The following RSRC1 variants were observed in gnomAD, a reference collection of about 807,000 sequenced individuals.
The protein encoded by RSRC1 is arginine and serine rich coiled-coil 1.
RSRC1 carries 39 observed loss-of-function variants against 49.1 expected under a neutral mutation model. The ratio of observed to expected loss-of-function variants is 0.79; its 90% CI spans 0.61 to 1.04. RSRC1 has a LOEUF of 1.04. Among genes scored for constraint, RSRC1 ranks in the 50% least tolerant of loss-of-function variants. The pLI, the probability that RSRC1 is intolerant of heterozygous loss-of-function variation, is 0.00. For missense variants in RSRC1, 388 were observed against 402.4 expected (o/e 0.96, Z 0.31); for synonymous variants, 143 against 130.8 (o/e 1.09, Z -0.63).
chr3:158,150,432 A>G (rs1253825824), intron 3 of RSRC1, among the ~76,000 whole-genome samples: 3 of 152,242 alleles, frequency 2.0e-5, no homozygotes, highest in Non-Finnish European at 4.4e-5. Context: ...GGTGAACATT[A>G]TTTGGAACAG....
intron 6 of RSRC1, among the ~76,000 whole-genome samples, chr3:158,442,446 A>AT (rs898772479): frequency 2.0e-5 from 3 of 151,842 alleles, no homozygotes; most frequent in Non-Finnish European, 4.4e-5. Flanking sequence ...CTAAGGAACA[A>AT]TTTTTTTTGT....
intron 3 of RSRC1, among the ~76,000 whole-genome samples, chr3:158,177,699 G>A (rs543313399): frequency 8.5e-5 from 13 of 152,218 alleles, no homozygotes; most frequent in South Asian, 8.3e-4. Flanking sequence ...TGTAAATGAC[G>A]AGTTGATGGG....
At chr3:158,502,578 G>T (rs543982489) in intron 7 of RSRC1, among the ~76,000 whole-genome samples, 2 of 151,894 alleles carry the variant, frequency 1.3e-5, no homozygotes, top group African/African-American at 4.8e-5. Context: ...TTTTTTCATT[G>T]TCTTTGTTGT....
chr3:158,241,784 A>G (rs866124), intron 4 of RSRC1, among the ~76,000 whole-genome samples: 149,141 of 152,104 alleles, frequency 0.98, 73,137 homozygotes, highest in East Asian at 1. Context: ...TTTAAAAAGT[A>G]TCTTGAAAGT....
intron 7 of RSRC1, among the ~76,000 whole-genome samples, chr3:158,513,909 G>C (rs948879834): frequency 2.6e-5 from 4 of 152,172 alleles, no homozygotes; most frequent in East Asian, 1.9e-4. Flanking sequence ...TTTGCGTAGA[G>C]GTGTTGGCAG....
intron 4 of RSRC1, among the ~76,000 whole-genome samples, chr3:158,261,745 C>T (rs1031965102): frequency 2.0e-5 from 3 of 152,166 alleles, no homozygotes; most frequent in African/African-American, 7.2e-5. Flanking sequence ...GTTGCATGCT[C>T]CTATGAGAAT....
chr3:158,217,075 A>G (rs1046605302), intron 4 of RSRC1, among the ~76,000 whole-genome samples: 4 of 151,728 alleles, frequency 2.6e-5, no homozygotes, highest in Non-Finnish European at 4.4e-5. Flanking sequence ...TCTGAAGTTC[A>G]ATATATTCAA....
At chr3:158,324,803 G>A (rs576040732) in intron 5 of RSRC1, among the ~76,000 whole-genome samples, 2 of 152,244 alleles carry the variant, frequency 1.3e-5, no homozygotes, top group East Asian at 3.9e-4. Context: ...TTGAGGAATC[G>A]CCACACTGTC....
intron 6 of RSRC1, among the ~76,000 whole-genome samples, chr3:158,435,739 C>T (rs1353608161): frequency 1.3e-5 from 2 of 151,488 alleles, no homozygotes; most frequent in Non-Finnish European, 3.0e-5. Context: ...TGTAGATAAG[C>T]ATGTTTATAC....
chr3:158,249,126 T>A (rs982426143), intron 4 of RSRC1, among the ~76,000 whole-genome samples: 4 of 152,190 alleles, frequency 2.6e-5, no homozygotes, highest in African/African-American at 9.6e-5. Flanking sequence ...TCTCCTATTT[T>A]AAAAAATCAT....
intron 7 of RSRC1, among the ~76,000 whole-genome samples, chr3:158,471,747 T>C (rs1738142543): frequency 6.6e-6 from 1 of 152,152 alleles, no homozygotes; most frequent in East Asian, 1.9e-4. Context: ...TTCTGCAGAC[T>C]TATTGGGAAT....
chr3:158,411,301 A>G (rs1431933975), intron 6 of RSRC1, among the ~76,000 whole-genome samples: 1 of 152,094 alleles, frequency 6.6e-6, no homozygotes, highest in Non-Finnish European at 1.5e-5. Context: ...GATCTTCTGT[A>G]TACTCTATAC....
chr3:158,340,505 C>T (rs541587131), intron 5 of RSRC1, among the ~76,000 whole-genome samples: 1 of 152,070 alleles, frequency 6.6e-6, no homozygotes, highest in Non-Finnish European at 1.5e-5. Flanking sequence ...CACACCACTG[C>T]ACTCCAGCCT....
intron 6 of RSRC1, among the ~76,000 whole-genome samples, chr3:158,456,097 T>C (rs948621454): frequency 1.3e-5 from 2 of 151,044 alleles, no homozygotes; most frequent in Admixed American, 6.6e-5. Context: ...CCTGCTGTAT[T>C]AGGCAAAGTG....
chr3:158,338,674 A>T (rs1326088348), intron 5 of RSRC1, among the ~76,000 whole-genome samples: 1 of 152,208 alleles, frequency 6.6e-6, no homozygotes, highest in Non-Finnish European at 1.5e-5. Flanking sequence ...TTTAGTTTTA[A>T]CTCTGCATAG....
chr3:158,334,304 C>A (rs572289023), intron 5 of RSRC1, among the ~76,000 whole-genome samples: 1 of 151,926 alleles, frequency 6.6e-6, no homozygotes, highest in African/African-American at 2.4e-5. Context: ...TTATTTTAAC[C>A]TCTGTGTCAT....
chr3:158,299,444 C>T (rs1272390108), intron 5 of RSRC1, among the ~76,000 whole-genome samples: 1 of 152,042 alleles, frequency 6.6e-6, no homozygotes, highest in Non-Finnish European at 1.5e-5. Flanking sequence ...AGTGATTCTT[C>T]TGCCTCAGCC....
chr3:158,151,949 G>C (rs751684887), intron 3 of RSRC1, among the ~76,000 whole-genome samples: 3 of 152,042 alleles, frequency 2.0e-5, no homozygotes, highest in Non-Finnish European at 4.4e-5. Flanking sequence ...AAACTTGTTA[G>C]GTTCTTTTTA....
chr3:158,311,962 A>G (rs192666110), intron 5 of RSRC1, among the ~76,000 whole-genome samples: 22 of 152,228 alleles, frequency 1.4e-4, no homozygotes, highest in African/African-American at 4.8e-4. Context: ...ATTTTAAGGT[A>G]GCATTGAGAA....
Sources: allele counts gnomAD v4.1 joint callset (sites outside exome capture counted in the v4.1 genomes callset), GRCh38; gene constraint gnomAD v4.1.1; transcripts MANE v1.5; gene names NCBI Gene and HGNC (gene_info 2026-07-23, HGNC 2026-07-21).